NCOA3: variants seen among roughly 807,000 people sequenced by gnomAD.
NCOA3 encodes the protein nuclear receptor coactivator 3, also known as CBP-interacting protein.
A neutral mutation model predicts 158.8 loss-of-function variants in NCOA3; 51 were observed. That is an observed-to-expected ratio of 0.32 (90% CI 0.26 to 0.41). The LOEUF (loss-of-function observed/expected upper bound fraction) is 0.41. NCOA3 is among the 10% of genes least tolerant of loss of function. NCOA3 has a pLI of 1.00. For missense variants in NCOA3, 1,510 were observed against 1,746.6 expected, an observed-to-expected ratio of 0.86 and a Z score of 2.41; for synonymous variants, 537 against 592.4, an observed-to-expected ratio of 0.91 and a Z score of 1.36.
At chr20:47,568,446 C>G (rs2085234630) in intron 1 of NCOA3, among the ~76,000 whole-genome samples, 1 of 152,120 alleles carries the variant, frequency 6.6e-6, no homozygotes, top group African/African-American at 2.4e-5. Flanking sequence ...TGTTTACACT[C>G]CATTCTGTTA....
At chr20:47,533,289 A>AG (rs1320889036) in intron 1 of NCOA3, among the ~76,000 whole-genome samples, 1 of 144,952 alleles carries the variant, frequency 6.9e-6, no homozygotes, top group African/African-American at 2.6e-5. Context: ...CGTCTCAAAA[A>AG]AAAAAAAAAA....
At chr20:47,644,747 G>T (rs1164838435) in intron 17 of NCOA3, among the ~76,000 whole-genome samples, 1 of 152,026 alleles carries the variant, frequency 6.6e-6, no homozygotes, top group Non-Finnish European at 1.5e-5. Context: ...GCCCAGGCTG[G>T]AGTGCAGAAG....
rs1401289433 is a variant in NCOA3 at position 47,655,726 on chromosome 20, T to C, written c.*2309T>C. ...TTTAAGTTATGTGTGTGGGGAGAAA[T>C]AGAATGGTGCTCTTATCTTTCTTGA... On this transcript the variant is annotated 3_prime_UTR_variant, in exon 23 of 23. Transcript: ENST00000371998. 2.0e-5 allele frequency: 3 copies of C among 152,416 alleles called. No homozygotes were observed. The highest frequency in any genetic ancestry group is 4.8e-5 in the African/African-American group (2 of 41,384). The allele number at this position is 152,416 out of a possible 1,614,324, so 9.4% of individuals were successfully genotyped here.
At chr20:47,544,932 C>G (rs944369374) in intron 1 of NCOA3, among the ~76,000 whole-genome samples, 4 of 152,092 alleles carry the variant, frequency 2.6e-5, no homozygotes, top group African/African-American at 9.7e-5. Context: ...ATAAATTCCT[C>G]AGGAAGAGCT....
chr20:47,512,226 A>G (rs2084154585), intron 1 of NCOA3, among the ~76,000 whole-genome samples: 2 of 152,156 alleles, frequency 1.3e-5, no homozygotes, highest in Non-Finnish European at 2.9e-5. Context: ...TTTCTTCTAG[A>G]AAAAATAACT....
chr20:47,580,231 T>A (rs1184697558), intron 1 of NCOA3, among the ~76,000 whole-genome samples: 7 of 152,064 alleles, frequency 4.6e-5, no homozygotes, highest in Non-Finnish European at 1.0e-4. Context: ...GCAGTAATTG[T>A]TTCCTAGGTC....
At chr20:47,615,402 T>C (rs1377616387) in intron 2 of NCOA3, among the ~76,000 whole-genome samples, 1 of 152,228 alleles carries the variant, frequency 6.6e-6, no homozygotes, top group Non-Finnish European at 1.5e-5. Flanking sequence ...TTGATTGATA[T>C]CTTTTCCTTT....
chr20:47,541,012 C>T (rs1220605811), intron 1 of NCOA3, among the ~76,000 whole-genome samples: 1 of 151,950 alleles, frequency 6.6e-6, no homozygotes, highest in Non-Finnish European at 1.5e-5. Flanking sequence ...TTTTTTAAAT[C>T]TCCATATGAG....
At chr20:47,639,445 C>G in intron 14 of NCOA3, 132 bp from the exon 15 acceptor site, 1 of 1,271,820 alleles carries the variant, frequency 7.9e-7, no homozygotes, top group Non-Finnish European at 1.1e-6. Context: ...CCACAGTTGG[C>G]CAGCCCTTTT....
intron 1 of NCOA3, among the ~76,000 whole-genome samples, chr20:47,528,567 T>C (rs1451805451): frequency 2.6e-5 from 4 of 152,218 alleles, no homozygotes; most frequent in Admixed American, 6.5e-5. Flanking sequence ...AATATATTAC[T>C]TTTGCATCAA....
At position 47,511,494 on chromosome 20, in the gene NCOA3, A is replaced by T. The variant is rs574797214; in HGVS notation, c.-99+9475A>T. ...CAGTGGCGTGTTCTTGGCTATATAGATATATAGCTGAGATATGTATCTCTC... is the reference window on the plus strand; with the variant it reads ...CAGTGGCGTGTTCTTGGCTATATAGTTATATAGCTGAGATATGTATCTCTC... On this transcript the variant is annotated intron_variant, in intron 1 of 22. Coordinates refer to ENST00000371998, the MANE Select transcript of NCOA3 (RefSeq NM_181659.3). Among the ~76,000 whole-genome samples, 68 of 115,174 alleles carry T rather than the reference A, an allele frequency of 5.9e-4. 1 individual carries two copies. Among genetic ancestry groups the T allele is most frequent in the African/African-American group, 2.2e-3 (67 of 30,910 alleles). 75.6% of individuals were successfully genotyped at this position (115,174 alleles called of 152,430 possible).
chr20:47,540,575 A>C (rs1325772543), intron 1 of NCOA3, among the ~76,000 whole-genome samples: 2 of 898 alleles, frequency 2.2e-3, no homozygotes, highest in African/African-American at 0.012. Flanking sequence ...TCTTGTCTCA[A>C]AAAAAAAAAA....
intron 2 of NCOA3, among the ~76,000 whole-genome samples, chr20:47,610,179 C>T (rs931728343): frequency 1.3e-5 from 2 of 152,010 alleles, no homozygotes; most frequent in African/African-American, 4.8e-5. Context: ...TTTGAAAAGA[C>T]AAATTCTATT....
intron 1 of NCOA3, among the ~76,000 whole-genome samples, chr20:47,508,248 C>T (rs6012194): frequency 1.3e-5 from 2 of 152,162 alleles, no homozygotes; most frequent in Non-Finnish European, 2.9e-5. Flanking sequence ...TACATCCCAC[C>T]TTCATATCTA....
intron 1 of NCOA3, among the ~76,000 whole-genome samples, chr20:47,512,702 AC>A: frequency 6.6e-6 from 1 of 152,280 alleles, no homozygotes; most frequent in Middle Eastern, 3.4e-3. Context: ...ACAATGAGAT[AC>A]CACTATACAC....
chr20:47,582,312 A>T (rs749355330), intron 1 of NCOA3, among the ~76,000 whole-genome samples: 28 of 152,160 alleles, frequency 1.8e-4, no homozygotes, highest in Non-Finnish European at 3.8e-4. Flanking sequence ...TCCCTAATTC[A>T]GGTGATTCTC....
chr20:47,603,914 G>A (rs1458643453), intron 2 of NCOA3, among the ~76,000 whole-genome samples: 1 of 152,186 alleles, frequency 6.6e-6, no homozygotes, highest in Non-Finnish European at 1.5e-5. Context: ...CATGAAAACA[G>A]GAATGTTTGT....
chr20:47,625,654 A>G (rs1174738378), intron 5 of NCOA3, among the ~76,000 whole-genome samples, 173 bp downstream of exon 5: 2 of 152,208 alleles, frequency 1.3e-5, no homozygotes, highest in African/African-American at 2.4e-5. Context: ...TATAATTACA[A>G]TATACATAAT....
chr20:47,638,015 A>AC (rs1255078342), intron 13 of NCOA3, among the ~76,000 whole-genome samples: 1 of 152,210 alleles, frequency 6.6e-6, no homozygotes, highest in Non-Finnish European at 1.5e-5. Context: ...GCCAGTAATC[A>AC]TGGCACTTAT....
Sources: allele counts gnomAD v4.1 joint callset (sites outside exome capture counted in the v4.1 genomes callset), GRCh38; gene constraint gnomAD v4.1.1; transcripts MANE v1.5; gene names NCBI Gene and HGNC (gene_info 2026-07-23, HGNC 2026-07-21).